CDH12: variants seen among roughly 807,000 people sequenced by gnomAD.
CDH12 encodes cadherin-12.
In CDH12, 41 loss-of-function variants were observed where a neutral mutation model predicts 74.1. That is an observed-to-expected ratio of 0.55 (90% confidence interval 0.43 to 0.72). CDH12 has a LOEUF of 0.72. CDH12 is among the 30% of genes least tolerant of loss of function. The pLI, the probability that CDH12 is intolerant of heterozygous loss-of-function variation, is 0.00. For missense variants in CDH12, 945 were observed against 977.2 expected, an observed-to-expected ratio of 0.97 and a Z score of 0.44; for synonymous variants, 399 against 355.0, an observed-to-expected ratio of 1.12 and a Z score of -1.39.
intron 1 of CDH12, among the ~76,000 whole-genome samples, chr5:22,753,001 A>AT (rs1745675644): frequency 6.6e-6 from 1 of 152,130 alleles, no homozygotes; most frequent in Admixed American, 6.5e-5. Context: ...AAAGAAGGGA[A>AT]TAGAGACGTA....
At chr5:22,032,813 T>TACACAC (rs534589061) in intron 5 of CDH12, among the ~76,000 whole-genome samples, 4 of 148,744 alleles carry the variant, frequency 2.7e-5, no homozygotes, top group African/African-American at 7.4e-5. Flanking sequence ...AGTGTGTATA[T>TACACAC]ATACACACAC....
chr5:22,810,758 A>G (rs1208032686), intron 1 of CDH12, among the ~76,000 whole-genome samples: 1 of 152,070 alleles, frequency 6.6e-6, no homozygotes, highest in African/African-American at 2.4e-5. Context: ...ATACGCATGT[A>G]GGCATGTACC....
At chr5:22,191,151 G>A (rs1316810935) in intron 4 of CDH12, among the ~76,000 whole-genome samples, 3 of 151,880 alleles carry the variant, frequency 2.0e-5, no homozygotes, top group African/African-American at 2.4e-5. Context: ...TTACTACATG[G>A]ACGCTTCCCT....
chr5:22,425,343 T>A (rs946461701), intron 2 of CDH12, among the ~76,000 whole-genome samples: 1 of 151,328 alleles, frequency 6.6e-6, no homozygotes, highest in Non-Finnish European at 1.5e-5. Flanking sequence ...TATCTGGTTT[T>A]CTTTTGCCTT....
intron 1 of CDH12, among the ~76,000 whole-genome samples, chr5:22,509,458 G>C (rs554151130): frequency 6.6e-6 from 1 of 152,210 alleles, no homozygotes; most frequent in East Asian, 1.9e-4. Flanking sequence ...TAACTTTCAG[G>C]GGACCTTGAC....
At chr5:22,836,391 T>A (rs1182435414) in intron 1 of CDH12, among the ~76,000 whole-genome samples, 1 of 150,810 alleles carries the variant, frequency 6.6e-6, no homozygotes, top group Non-Finnish European at 1.5e-5. Context: ...TCTCGGCTAA[T>A]TTTTTTTTCT....
chr5:22,619,700 C>G (rs953694479), intron 1 of CDH12, among the ~76,000 whole-genome samples: 12 of 151,614 alleles, frequency 7.9e-5, no homozygotes, highest in Non-Finnish European at 1.5e-4. Flanking sequence ...TACATTGAGC[C>G]CTACTGCAAG....
intron 4 of CDH12, among the ~76,000 whole-genome samples, chr5:22,203,410 A>G (rs1374572163): frequency 6.6e-6 from 1 of 152,178 alleles, no homozygotes; most frequent in Non-Finnish European, 1.5e-5. Flanking sequence ...CCAAGTTGCT[A>G]CAAATTACAG....
chr5:22,683,624 T>C (rs1295344627), intron 1 of CDH12, among the ~76,000 whole-genome samples: 1 of 152,204 alleles, frequency 6.6e-6, no homozygotes, highest in Non-Finnish European at 1.5e-5. Flanking sequence ...TAAAAGCAAA[T>C]TGAGCTAAGT....
At chr5:22,722,665 G>A (rs555263062) in intron 1 of CDH12, among the ~76,000 whole-genome samples, 9 of 152,254 alleles carry the variant, frequency 5.9e-5, no homozygotes, top group Middle Eastern at 3.4e-3. Context: ...CCAAATATGC[G>A]TACACATAGT....
intron 5 of CDH12, among the ~76,000 whole-genome samples, chr5:22,023,004 TA>T (rs1174115687): frequency 1.3e-5 from 2 of 152,158 alleles, no homozygotes; most frequent in Non-Finnish European, 2.9e-5. Context: ...TTAGGAGCTT[TA>T]AAAAATAACA....
intron 3 of CDH12, among the ~76,000 whole-genome samples, chr5:22,266,003 A>G (rs988806850): frequency 6.6e-6 from 1 of 151,950 alleles, no homozygotes; most frequent in Non-Finnish European, 1.5e-5. Context: ...CTCCCATTAA[A>G]TATGTGTGAT....
At chr5:22,467,048 T>C (rs1387982351) in intron 2 of CDH12, among the ~76,000 whole-genome samples, 1 of 151,820 alleles carries the variant, frequency 6.6e-6, no homozygotes, top group Non-Finnish European at 1.5e-5. Flanking sequence ...GCCTCTCAAA[T>C]TGCTGGGATT....
chr5:21,922,757 C>A (rs6872571), intron 6 of CDH12, among the ~76,000 whole-genome samples: 146,441 of 152,116 alleles, frequency 0.96, 70,635 homozygotes, highest in East Asian at 1. Context: ...ATGGGCTTCC[C>A]GAGAGACTAA....
At chr5:22,260,898 A>G (rs183046388) in intron 3 of CDH12, among the ~76,000 whole-genome samples, 14 of 152,104 alleles carry the variant, frequency 9.2e-5, no homozygotes, top group Admixed American at 9.2e-4. Flanking sequence ...TCTTAAGTAG[A>G]TAACTGGCTT....
intron 1 of CDH12, among the ~76,000 whole-genome samples, chr5:22,575,996 A>ATGACCACCGCATGAGCCTGGCC: frequency 6.6e-6 from 1 of 151,898 alleles, no homozygotes; most frequent in Non-Finnish European, 1.5e-5. Context: ...AGTGCTGGAC[A>ATGACCACCGCATGAGCCTGGCC]TGACCACCGC....
chr5:22,583,301 A>T (rs1484535716), intron 1 of CDH12, among the ~76,000 whole-genome samples: 1 of 152,220 alleles, frequency 6.6e-6, no homozygotes, highest in African/African-American at 2.4e-5. Flanking sequence ...GGAAAATAAC[A>T]AACACAAAAT....
chr5:22,545,875 T>C (rs1237404746), intron 1 of CDH12, among the ~76,000 whole-genome samples: 1 of 152,214 alleles, frequency 6.6e-6, no homozygotes, highest in Non-Finnish European at 1.5e-5. Flanking sequence ...CTTACTTTTT[T>C]CTTTAAGTAT....
At position 22,472,216 on chromosome 5, in the gene CDH12, A is replaced by G. The variant is rs1362840278; in HGVS notation, c.-428+33054T>C. Among the ~76,000 whole-genome samples, 3 of 152,270 alleles carry G rather than the reference A, an allele frequency of 2.0e-5. No individual in the cohort carries two copies. In the South Asian group the frequency reaches 6.2e-4, roughly 32 times the overall value. ...TAAGTCAGAGCTTGGCAGGCTAAAG[A>G]CAGGAAAGAAGTAAGGTCAAGGCCT... On this transcript the variant is annotated intron_variant, in intron 2 of 14. Coordinates refer to ENST00000382254, the MANE Select transcript of CDH12 (RefSeq NM_004061.5).
Sources: gnomAD v4.1 joint callset for allele counts (sites outside exome capture counted in the v4.1 genomes callset) on GRCh38, gnomAD v4.1.1 for gene constraint, MANE v1.5 for transcripts, NCBI Gene and HGNC (gene_info 2026-07-23, HGNC 2026-07-21) for gene names.